LRP12: variants seen among roughly 807,000 people sequenced by gnomAD.
The protein encoded by LRP12 is LDL receptor related protein 12, also known as low-density lipoprotein receptor-related protein 12.
A neutral mutation model predicts 66.0 loss-of-function variants in LRP12; 14 were observed. That is an observed-to-expected ratio of 0.21 (90% CI 0.14 to 0.33). The LOEUF (loss-of-function observed/expected upper bound fraction) is 0.33, where lower values mean the gene tolerates loss of function less well. Ranked by LOEUF, LRP12 falls within the 10% of genes least tolerant of loss-of-function variation. The probability of loss-of-function intolerance (pLI) is 1.00; values close to 1 mark genes in which losing one functional copy is unlikely to be tolerated. For synonymous variants in LRP12, 357 were observed against 359.1 expected, an observed-to-expected ratio of 0.99 and a Z score of 0.07; for missense variants, 889 against 1,053.4, an observed-to-expected ratio of 0.84 and a Z score of 2.16.
At chr8:104,543,878 C>T (rs1258512266) in intron 1 of LRP12, among the ~76,000 whole-genome samples, 1 of 152,034 alleles carries the variant, frequency 6.6e-6, no homozygotes, top group African/African-American at 2.4e-5. Context: ...GCCGAGATCT[C>T]GCCACTGCAC....
In LRP12 at chr8:104,490,768, A is replaced by C; in HGVS notation, c.2485T>G (p.Cys829Gly). The change falls in exon 7 of 7, where the codon TGT becomes GGT. Residue 829 changes from cysteine to glycine, a missense_variant. Physicochemically the swap from Cys to Gly is radical, Grantham distance 159. Transcript: ENST00000276654. ...PSNRDGPCER[C>G]GIVHTAQIPD... ...ATCTGGGCAGTGTGGACAATACCAC[A>C]GCGCTCACAGGGGCCATCTCGATTA... 7 of 1,614,136 alleles carry C rather than the reference A, an allele frequency of 4.3e-6. No homozygotes were observed. The highest frequency in any genetic ancestry group is 5.9e-6 in the Non-Finnish European group (7 of 1,180,016).
At chr8:104,588,498 G>T (rs1298446211) in intron 1 of LRP12, among the ~76,000 whole-genome samples, 1 of 152,170 alleles carries the variant, frequency 6.6e-6, no homozygotes, top group African/African-American at 2.4e-5. Context: ...CCAGGCTACG[G>T]GTCCTGGAGC....
At chr8:104,547,836 T>C (rs1412797793) in intron 1 of LRP12, among the ~76,000 whole-genome samples, 1 of 122,594 alleles carries the variant, frequency 8.2e-6, no homozygotes, top group South Asian at 2.5e-4. Context: ...ATATAATATA[T>C]AATTCTATGT....
chr8:104,546,134 A>G (rs1051137950), intron 1 of LRP12, among the ~76,000 whole-genome samples: 3 of 152,162 alleles, frequency 2.0e-5, no homozygotes, highest in African/African-American at 7.2e-5. Context: ...AGGGGACAGT[A>G]AGAGACTAGC....
intron 1 of LRP12, among the ~76,000 whole-genome samples, chr8:104,548,188 A>ACAT (rs1811638022): frequency 1.4e-4 from 14 of 101,978 alleles, no homozygotes; most frequent in African/African-American, 6.5e-4. Flanking sequence ...TATATAATAT[A>ACAT]TATATAAATA....
At chr8:104,525,482 A>T (rs1811220413) in intron 2 of LRP12, among the ~76,000 whole-genome samples, 1 of 152,196 alleles carries the variant, frequency 6.6e-6, no homozygotes, top group African/African-American at 2.4e-5. Flanking sequence ...TACAAGAACC[A>T]AAAATATATT....
intron 2 of LRP12, among the ~76,000 whole-genome samples, chr8:104,516,146 T>C (rs1811069792): frequency 6.6e-6 from 1 of 152,218 alleles, no homozygotes. Flanking sequence ...TGGATAATGA[T>C]GATCTACATT....
intron 2 of LRP12, among the ~76,000 whole-genome samples, chr8:104,526,848 A>C (rs1241272477): frequency 1.4e-5 from 2 of 143,638 alleles, no homozygotes; most frequent in African/African-American, 2.7e-5. Flanking sequence ...TAATTAAACT[A>C]AAGAGCTTCT....
intron 1 of LRP12, among the ~76,000 whole-genome samples, chr8:104,582,736 T>C (rs1029319944): frequency 6.6e-6 from 1 of 152,130 alleles, no homozygotes; most frequent in Non-Finnish European, 1.5e-5. Context: ...ATTCATAATA[T>C]ATGTGCTTGT....
chr8:104,545,438 T>C (rs1049408137), intron 1 of LRP12, among the ~76,000 whole-genome samples: 1 of 152,174 alleles, frequency 6.6e-6, no homozygotes, highest in Admixed American at 6.5e-5. Context: ...TCAAACAGCA[T>C]CACATGCTAC....
rs559753903 is a variant in LRP12, at chr8:104,579,685, C to T, written c.79+9134G>A. Among the ~76,000 whole-genome samples the T allele has an allele frequency of 5.9e-5, 9 of 152,282 alleles. No homozygotes were observed. In the South Asian group the frequency reaches 1.7e-3, roughly 28 times the overall value. ...TGCTACCCAACTTCAAACTACACTACAGGTCTACAGTAACCAAAACTGCAT... is the reference window on the plus strand; with the variant it reads ...TGCTACCCAACTTCAAACTACACTATAGGTCTACAGTAACCAAAACTGCAT... On this transcript the variant is annotated intron_variant, in intron 1 of 6. Transcript: ENST00000276654.
intron 3 of LRP12, among the ~76,000 whole-genome samples, chr8:104,501,703 CAA>C (rs35580913): frequency 0.039 from 4,619 of 118,642 alleles, 236 homozygotes; most frequent in African/African-American, 0.13. Context: ...GACTCCACCT[CAA>C]AAAAAAAAAA....
At position 104,490,655 on chromosome 8, in the gene LRP12, C is replaced by A. The variant is rs760077739; in HGVS notation, c.*18G>T. ...TATTGCTCCAACTTGTATACAATCT[C>A]CCTTATGTGATTCGTACCTAACAAA... On this transcript the variant is annotated 3_prime_UTR_variant, in exon 7 of 7. Coordinates refer to ENST00000276654, the MANE Select transcript of LRP12 (RefSeq NM_013437.5). The A allele has an allele frequency of 3.8e-5, 60 of 1,589,788 alleles. No homozygotes were observed. Among genetic ancestry groups the A allele is most frequent in the Non-Finnish European group, 4.8e-5 (56 of 1,169,830 alleles).
chr8:104,511,192 C>T (rs1396736242), intron 2 of LRP12, among the ~76,000 whole-genome samples: 2 of 151,624 alleles, frequency 1.3e-5, no homozygotes, highest in South Asian at 2.1e-4. Context: ...TACAGGTGCA[C>T]GCTACCACAC....
At chr8:104,539,899 C>A (rs1811449430) in intron 1 of LRP12, among the ~76,000 whole-genome samples, 1 of 151,544 alleles carries the variant, frequency 6.6e-6, no homozygotes, top group Non-Finnish European at 1.5e-5. Context: ...CAAAGCCATG[C>A]AAATACATAT....
chr8:104,575,370 C>T (rs1479854993), intron 1 of LRP12, among the ~76,000 whole-genome samples: 2 of 152,230 alleles, frequency 1.3e-5, no homozygotes, highest in Non-Finnish European at 2.9e-5. Context: ...CACCCTGGCA[C>T]TGCTAGTGCT....
Position 104,491,025 on chromosome 8 carries a change from G to A in LRP12, c.2228C>T (p.Thr743Ile). Reference protein sequence around the residue: ...MTQGLRWVRFTLGRSSSLSQN... With the variant: ...MTQGLRWVRFILGRSSSLSQN... ...ACTTAGGGAACTTGATCGTCCTAAT[G>A]TAAAACGTACCCAGCGTAGCCCCTG... The change falls in exon 7 of 7, where the codon ACA becomes ATA. Residue 743 changes from threonine to isoleucine, a missense_variant. By Grantham distance (89) the Thr-to-Ile change is moderately conservative (BLOSUM62 -1). Coordinates refer to ENST00000276654, the MANE Select transcript of LRP12 (RefSeq NM_013437.5). The A allele has an allele frequency of 6.2e-7, 1 of 1,614,120 alleles. No individual in the cohort carries two copies. Among genetic ancestry groups the A allele is most frequent in the Non-Finnish European group, 8.5e-7 (1 of 1,180,032 alleles).
intron 1 of LRP12, among the ~76,000 whole-genome samples, chr8:104,576,770 G>C (rs997657662): frequency 2.6e-5 from 4 of 152,122 alleles, no homozygotes; most frequent in African/African-American, 9.7e-5. Flanking sequence ...TACTAAGCTT[G>C]AATGTAAATG....
At chr8:104,537,837 T>C (rs1364537974) in intron 1 of LRP12, among the ~76,000 whole-genome samples, 1 of 152,124 alleles carries the variant, frequency 6.6e-6, no homozygotes, top group East Asian at 1.9e-4. Flanking sequence ...TTCTGTACGA[T>C]TCTATTCTGT....
Sources: gnomAD v4.1 joint callset for allele counts (sites outside exome capture counted in the v4.1 genomes callset) on GRCh38, gnomAD v4.1.1 for gene constraint, MANE v1.5 for transcripts, NCBI Gene and HGNC (gene_info 2026-07-23, HGNC 2026-07-21) for gene names.